The following WDFY4 variants were observed in gnomAD, a reference collection of about 807,000 sequenced individuals.
The protein encoded by WDFY4 is WDFY family member 4.
Under a neutral mutation model 351.9 loss-of-function variants are expected in WDFY4, and 169 were observed. The observed-to-expected ratio is 0.48, with a 90% CI of 0.42 to 0.55. The LOEUF is 0.55. Among genes scored for constraint, WDFY4 ranks in the 20% least tolerant of loss-of-function variants. The pLI, the probability that WDFY4 is intolerant of heterozygous loss-of-function variation, is 0.00. For missense variants in WDFY4, 3,803 were observed against 3,935.6 expected, an observed-to-expected ratio of 0.97 and a Z score of 0.90; for synonymous variants, 1,622 against 1,574.6, an observed-to-expected ratio of 1.03 and a Z score of -0.71.
intron 47 of WDFY4, among the ~76,000 whole-genome samples, chr10:48,918,776 G>T (rs1441936611): frequency 6.6e-6 from 1 of 152,174 alleles, no homozygotes; most frequent in Non-Finnish European, 1.5e-5. Flanking sequence ...AGGGCTTGGG[G>T]GAAGACCTGC....
intron 12 of WDFY4, among the ~76,000 whole-genome samples, chr10:48,757,041 C>T: frequency 6.6e-6 from 1 of 152,004 alleles, no homozygotes; most frequent in East Asian, 1.9e-4. Flanking sequence ...GTAGAATTTG[C>T]TGGTGAAAAC....
At chr10:48,934,896 C>A (rs1327831987) in intron 47 of WDFY4, among the ~76,000 whole-genome samples, 1 of 152,226 alleles carries the variant, frequency 6.6e-6, no homozygotes. Context: ...GACTTGCACA[C>A]CTGCCTTCCC....
At chr10:48,761,849 C>T (rs1206969271) in intron 13 of WDFY4, among the ~76,000 whole-genome samples, 1 of 152,238 alleles carries the variant, frequency 6.6e-6, no homozygotes, top group Admixed American at 6.5e-5. Context: ...TTGGCCCTTT[C>T]TTGGCTTATT....
intron 39 of WDFY4, among the ~76,000 whole-genome samples, chr10:48,835,727 A>G (rs1472007451): frequency 6.6e-6 from 1 of 152,244 alleles, no homozygotes; most frequent in African/African-American, 2.4e-5. Context: ...ATGCATACAT[A>G]CATACCCTCT....
At chr10:48,870,409 G>A (rs1372924741) in intron 40 of WDFY4, among the ~76,000 whole-genome samples, 4 of 152,136 alleles carry the variant, frequency 2.6e-5, no homozygotes, top group Admixed American at 1.3e-4. Context: ...ATGTATAGTG[G>A]CACCTTTAGT....
At chr10:48,828,185 A>G (rs748478225) in intron 36 of WDFY4, among the ~76,000 whole-genome samples, 35 of 152,262 alleles carry the variant, frequency 2.3e-4, no homozygotes, top group Non-Finnish European at 2.9e-4. Flanking sequence ...GGACCCCCAG[A>G]GCACATGGTT....
chr10:48,711,031 C>T (rs2063755744), intron 2 of WDFY4, among the ~76,000 whole-genome samples: 1 of 152,220 alleles, frequency 6.6e-6, no homozygotes, highest in South Asian at 2.1e-4. Flanking sequence ...GCAGAGAGAA[C>T]AAGAGCTACT....
intron 39 of WDFY4, among the ~76,000 whole-genome samples, chr10:48,864,429 CA>C (rs1188552371): frequency 6.6e-6 from 1 of 152,052 alleles, no homozygotes; most frequent in African/African-American, 2.4e-5. Flanking sequence ...AATTTTATTC[CA>C]TTGATGTATA....
chr10:48,721,974 A>T (rs113328152), intron 4 of WDFY4, among the ~76,000 whole-genome samples: 50 of 151,810 alleles, frequency 3.3e-4, no homozygotes, highest in African/African-American at 1.2e-3. Context: ...TCCCACCCAT[A>T]CCCACCGCAT....
At chr10:48,897,364 A>G (rs2133393539) in intron 44 of WDFY4, 90 bp from the exon 45 acceptor site, 1 of 1,491,360 alleles carries the variant, frequency 6.7e-7, no homozygotes, top group Non-Finnish European at 9.0e-7. Context: ...ATGTGGGTGG[A>G]GCTGGTGGAG....
chr10:48,951,072 C>T (rs950113317), intron 51 of WDFY4, among the ~76,000 whole-genome samples: 2 of 152,190 alleles, frequency 1.3e-5, no homozygotes, highest in African/African-American at 2.4e-5. Flanking sequence ...TATTGCTGTG[C>T]GGTACATTCG....
Position 48,875,148 on chromosome 10 carries a change from GT to G in WDFY4, c.7000+11del, listed in dbSNP as rs2069946736. 2.1e-6 allele frequency: 3 copies of G among 1,429,034 alleles called. No homozygotes were observed. Among genetic ancestry groups the G allele is most frequent in the Non-Finnish European group, 9.2e-7 (1 of 1,083,772 alleles). The allele number at this position is 1,429,034 out of a possible 1,614,324, so 88.5% of individuals were successfully genotyped here. On this transcript the variant is annotated intron_variant, in intron 42 of 61. Transcript: ENST00000325239. Reference sequence around the variant, plus strand: ...CAAATGCTGAAAACCAAGGTATTCAGTTTATCTATTTTTTCCTTTAATAGTT... The same window carrying G: ...CAAATGCTGAAAACCAAGGTATTCAGTTATCTATTTTTTCCTTTAATAGTT...
intron 47 of WDFY4, among the ~76,000 whole-genome samples, chr10:48,902,336 T>A (rs1413275718): frequency 6.6e-6 from 1 of 152,182 alleles, no homozygotes; most frequent in African/African-American, 2.4e-5. Context: ...ATGAATTGCT[T>A]GCAGTCCCCC....
rs190565804 is a variant in WDFY4 at position 48,828,971 on chromosome 10, G to C, written c.6340+75G>C. 1.6e-3 allele frequency: 1,206 copies of C among 754,158 alleles called. 6 individuals carry two copies. The highest frequency in any genetic ancestry group is 8.9e-3 in the African/African-American group (486 of 54,808). The allele number at this position is 754,158 out of a possible 1,614,324, so 46.7% of individuals were successfully genotyped here. ...GGGTGGTGGCAGGATAGTGGTACCT[G>C]CTAGGGTTGCATTCTTCAGTTCGTC... On this transcript the variant is annotated intron_variant, in intron 37 of 61. Transcript: ENST00000325239.
rs1403639899 is a variant in WDFY4, at chr10:48,888,521, C to G, written c.7168-2058C>G. 2.6e-5 allele frequency among the ~76,000 whole-genome samples: 4 copies of G among 152,030 alleles called. No homozygotes were observed. In the South Asian group the frequency reaches 6.2e-4, roughly 24 times the overall value. ...GTCTTGACCCTTTCTAATGCCATCTCCACCCAGCAGTCAGTGTCATCTTTT... is the reference window on the plus strand; with the variant it reads ...GTCTTGACCCTTTCTAATGCCATCTGCACCCAGCAGTCAGTGTCATCTTTT... On this transcript the variant is annotated intron_variant, in intron 43 of 61. Transcript: ENST00000325239.
chr10:48,710,518 C>T (rs1399833322), intron 2 of WDFY4, among the ~76,000 whole-genome samples: 1 of 152,178 alleles, frequency 6.6e-6, no homozygotes, highest in African/African-American at 2.4e-5. Context: ...CTGAGTAATA[C>T]TGTCTCTTTA....
In WDFY4 at chr10:48,758,401, T is replaced by G. The variant is rs562287211; in HGVS notation, c.2460-1946T>G. ...TGCTGTGTCTGGGCATAATTTTTTT[T>G]GTTTATTTTATTTGGGTTTTGCTAA... is the stretch of plus-strand genomic sequence containing the variant. On this transcript the variant is annotated intron_variant, in intron 12 of 61. Coordinates refer to ENST00000325239, the MANE Select transcript of WDFY4 (RefSeq NM_001394531.1). Among the ~76,000 whole-genome samples, 3 of 152,282 alleles carry G rather than the reference T, an allele frequency of 2.0e-5. No individual in the cohort carries two copies. In the South Asian group the frequency reaches 6.2e-4, roughly 32 times the overall value.
intron 13 of WDFY4, among the ~76,000 whole-genome samples, chr10:48,760,651 C>T (rs762309062): frequency 2.0e-5 from 3 of 152,244 alleles, no homozygotes; most frequent in Non-Finnish European, 4.4e-5. Context: ...CCATCCAAAA[C>T]AGATCACTTC....
chr10:48,739,489 T>C (rs2064783234), intron 11 of WDFY4, among the ~76,000 whole-genome samples: 1 of 152,238 alleles, frequency 6.6e-6, no homozygotes, highest in Admixed American at 6.5e-5. Context: ...GACTCCCCGT[T>C]CCTGACAAAT....
Sources: gnomAD v4.1 joint callset for allele counts (sites outside exome capture counted in the v4.1 genomes callset) on GRCh38, gnomAD v4.1.1 for gene constraint, MANE v1.5 for transcripts, NCBI Gene and HGNC (gene_info 2026-07-23, HGNC 2026-07-21) for gene names.